Variants in RBFOX3 observed in about 807,000 individuals in gnomAD.
RBFOX3 encodes RNA binding protein fox-1 homolog 3.
Under a neutral mutation model 48.7 loss-of-function variants are expected in RBFOX3, and 17 were observed. The ratio of observed to expected loss-of-function variants is 0.35; its 90% CI spans 0.24 to 0.52. The LOEUF is 0.52. Ranked by LOEUF, RBFOX3 falls within the 20% of genes least tolerant of loss-of-function variation. The pLI is 0.94. For missense variants in RBFOX3, 382 were observed against 497.5 expected (o/e 0.77, Z 2.21); for synonymous variants, 212 against 209.5 (o/e 1.01, Z -0.10).
chr17:79,112,527 G>A (rs2032136717), intron 5 of RBFOX3, among the ~76,000 whole-genome samples: 2 of 152,178 alleles, frequency 1.3e-5, no homozygotes, highest in African/African-American at 2.4e-5. Context: ...TGGAGGAGAC[G>A]GAGAGGTCTG....
At chr17:79,222,033 C>T (rs1204542803) in intron 4 of RBFOX3, among the ~76,000 whole-genome samples, 4 of 152,182 alleles carry the variant, frequency 2.6e-5, no homozygotes, top group Admixed American at 2.6e-4. Flanking sequence ...AGCAGGTGTT[C>T]CACCAGAGCC....
chr17:79,555,747 A>AAT (rs2091689875), intron 1 of RBFOX3, among the ~76,000 whole-genome samples: 2 of 17,160 alleles, frequency 1.2e-4, no homozygotes, highest in East Asian at 1.1e-3. Context: ...TTATGATAGT[A>AAT]GTGGTGGTGG....
At chr17:79,134,012 C>T (rs1245020871) in intron 4 of RBFOX3, among the ~76,000 whole-genome samples, 1 of 152,180 alleles carries the variant, frequency 6.6e-6, no homozygotes, top group African/African-American at 2.4e-5. Flanking sequence ...CTTCATTTAG[C>T]AAATGGAACA....
intron 4 of RBFOX3, among the ~76,000 whole-genome samples, chr17:79,142,439 T>C (rs886221093): frequency 6.6e-6 from 1 of 152,124 alleles, no homozygotes; most frequent in Non-Finnish European, 1.5e-5. Flanking sequence ...TGAGCACTAA[T>C]GGAATTTCCA....
chr17:79,598,777 C>G (rs2093633225), intron 1 of RBFOX3: 7 of 152,266 alleles, frequency 4.6e-5, no homozygotes. Context: ...GTGGGTTGGA[C>G]TCTTGCCTTC....
At chr17:79,536,654 G>A (rs781603977) in intron 1 of RBFOX3, among the ~76,000 whole-genome samples, 114 of 148,068 alleles carry the variant, frequency 7.7e-4, no homozygotes, top group Non-Finnish European at 1.0e-3. Flanking sequence ...TGCTTGCCCC[G>A]CCCCAGCGTA....
rs782703215 is a variant in RBFOX3 at position 79,535,696 on chromosome 17, G to A, written c.-319-53098C>T. On this transcript the variant is annotated intron_variant, in intron 1 of 14. Coordinates refer to ENST00000693108, the MANE Select transcript of RBFOX3 (RefSeq NM_001350451.2). The surrounding 1 kb of genome is among the most constrained non-coding windows in gnomAD (Gnocchi z 4.5). ...CAGCCAGGCAAGGTTGCCTGTGTTG[G>A]GGACAGTCAATCGGACATAGGAATA... Among the ~76,000 whole-genome samples the A allele has an allele frequency of 6.6e-6, 1 of 152,196 alleles. No individual in the cohort carries two copies. The highest frequency in any genetic ancestry group is 2.4e-5 in the African/African-American group (1 of 41,448).
intron 3 of RBFOX3, among the ~76,000 whole-genome samples, chr17:79,296,441 C>T (rs185873660): frequency 1.0e-3 from 154 of 152,290 alleles, no homozygotes; most frequent in Non-Finnish European, 1.7e-3. Context: ...GACTTTGTTA[C>T]ACCTGCATAT....
chr17:79,141,566 G>A (rs1372340947), intron 4 of RBFOX3, among the ~76,000 whole-genome samples: 1 of 152,178 alleles, frequency 6.6e-6, no homozygotes, highest in Non-Finnish European at 1.5e-5. Context: ...AGGTGGTTGG[G>A]GTGGGGCTGG....
At chr17:79,259,214 T>G (rs1056070706) in intron 3 of RBFOX3, among the ~76,000 whole-genome samples, 3 of 152,236 alleles carry the variant, frequency 2.0e-5, no homozygotes, top group Non-Finnish European at 4.4e-5. Flanking sequence ...ACGCAGCTGG[T>G]GTCTGGCCCA....
chr17:79,231,544 A>T (rs890675301), intron 4 of RBFOX3, among the ~76,000 whole-genome samples: 5 of 152,132 alleles, frequency 3.3e-5, no homozygotes, highest in African/African-American at 9.7e-5. Flanking sequence ...TTATATAGAA[A>T]ATCTGACGGA....
Position 79,479,420 on chromosome 17 carries a change from G to T in RBFOX3, c.-175+3034C>A, listed in dbSNP as rs2149466765. 6.6e-6 allele frequency among the ~76,000 whole-genome samples: 1 copy of T among 152,300 alleles called. No homozygotes were observed. The highest frequency in any genetic ancestry group is 3.4e-3 in the Middle Eastern group (1 of 294). On this transcript the variant is annotated intron_variant, in intron 2 of 14. Coordinates refer to ENST00000693108, the MANE Select transcript of RBFOX3 (RefSeq NM_001350451.2). The surrounding 1 kb of genome is among the most constrained non-coding windows in gnomAD (Gnocchi z 5.1). ...GGCAGAGATTCAAAGCCACACGCAG[G>T]CCTCAGACTGCATTGCTCCTTGCTC... is the stretch of plus-strand genomic sequence containing the variant.
intron 5 of RBFOX3, among the ~76,000 whole-genome samples, chr17:79,114,036 C>T (rs189911344): frequency 6.6e-6 from 1 of 152,246 alleles, no homozygotes; most frequent in East Asian, 1.9e-4. Flanking sequence ...GGGACGAACC[C>T]CTGAGGCTCA....
chr17:79,226,573 C>G (rs1241970122), intron 4 of RBFOX3, among the ~76,000 whole-genome samples: 1 of 152,168 alleles, frequency 6.6e-6, no homozygotes, highest in Non-Finnish European at 1.5e-5. Context: ...CCCTGTGGAG[C>G]AGGAGGAGCC....
Position 79,212,075 on chromosome 17 carries a change from C to A in RBFOX3, c.-34+23691G>T, listed in dbSNP as rs570107644. ...GCCAGCACCCTCCCTCCTGGAGTCC[C>A]GCTGCATTGGGGAAATTGACCAGCG... On this transcript the variant is annotated intron_variant, in intron 4 of 14. Transcript: ENST00000693108. The surrounding 1 kb of genome is among the most constrained non-coding windows in gnomAD (Gnocchi z 4.7). Among the ~76,000 whole-genome samples the A allele has an allele frequency of 2.0e-5, 3 of 152,228 alleles. No individual in the cohort carries two copies. The highest frequency in any genetic ancestry group is 7.2e-5 in the African/African-American group (3 of 41,472).
intron 1 of RBFOX3, among the ~76,000 whole-genome samples, chr17:79,596,374 C>T (rs2093570225): frequency 6.6e-6 from 1 of 152,228 alleles, no homozygotes; most frequent in South Asian, 2.1e-4. Flanking sequence ...CCTCTGCCCC[C>T]AGGCCCTGGG....
rs1448070543 is a variant in RBFOX3 at position 79,293,559 on chromosome 17, T to TCTCCTGC, written c.-74+14158_-74+14164dup. On this transcript the variant is annotated intron_variant, in intron 3 of 14. Transcript: ENST00000693108. ...CCTCCACCTTCTGGGTTCAAGTGATTCTCCTGCCTCAGCCTCCTGAGTAGC... is the reference window on the plus strand; with the variant it reads ...CCTCCACCTTCTGGGTTCAAGTGATTCTCCTGCCTCCTGCCTCAGCCTCCTGAGTAGC... Among the ~76,000 whole-genome samples, 17 of 152,002 alleles carry TCTCCTGC rather than the reference T, an allele frequency of 1.1e-4. No individual in the cohort carries two copies. In the East Asian group the frequency reaches 3.3e-3, roughly 29 times the overall value.
chr17:79,491,798 G>A (rs1031873518), intron 1 of RBFOX3, among the ~76,000 whole-genome samples: 2 of 152,284 alleles, frequency 1.3e-5, no homozygotes, highest in East Asian at 1.9e-4. Flanking sequence ...AATGGCACAA[G>A]GCCGGGCATG....
In RBFOX3 at chr17:79,514,336, G is replaced by A. The variant is rs1291241079; in HGVS notation, c.-319-31738C>T. ...TCCGACACACGGGTACACACTCGGC[G>A]GTCACGCAGACATGCACTCCCTGGG... On this transcript the variant is annotated intron_variant, in intron 1 of 14. Transcript: ENST00000693108. Among the ~76,000 whole-genome samples the A allele has an allele frequency of 4.6e-5, 7 of 152,264 alleles. No homozygotes were observed. The East Asian group carries it at 5.8e-4, about 13-fold the overall frequency.
Sources: allele counts gnomAD v4.1 joint callset (sites outside exome capture counted in the v4.1 genomes callset), GRCh38; gene constraint gnomAD v4.1.1; non-coding constraint Gnocchi (gnomAD v3.1); transcripts MANE v1.5; gene names NCBI Gene and HGNC (gene_info 2026-07-23, HGNC 2026-07-21).